FAM227B: variants seen among roughly 807,000 people sequenced by gnomAD.
FAM227B encodes protein FAM227B.
A neutral mutation model predicts 73.8 loss-of-function variants in FAM227B; 88 were observed. The observed-to-expected ratio is 1.19, with a 90% CI of 1.00 to 1.42. The LOEUF is 1.42. Ranked by LOEUF, FAM227B falls within the 40% of genes most tolerant of loss-of-function variation. The pLI is 0.00. For missense variants in FAM227B, 632 were observed against 590.9 expected (o/e 1.07, Z -0.72); for synonymous variants, 210 against 190.5 (o/e 1.10, Z -0.84).
chr15:49,424,151 A>T, intron 11 of FAM227B: 1 of 650,398 alleles, frequency 1.5e-6, no homozygotes, highest in Non-Finnish European at 2.6e-6. Context: ...TAAAAGGATA[A>T]GGCTAACAAT....
chr15:49,576,696 A>ATCC, intron 7 of FAM227B, 45 bp downstream of exon 7: 1 of 1,095,296 alleles, frequency 9.1e-7, no homozygotes. Flanking sequence ...TCATTAAATC[A>ATCC]TACTGTCAAA....
chr15:49,585,265 A>C (rs1045917291), intron 5 of FAM227B, among the ~76,000 whole-genome samples: 2 of 152,222 alleles, frequency 1.3e-5, no homozygotes, highest in African/African-American at 4.8e-5. Flanking sequence ...TAGTTCAACC[A>C]TTGTGGAAGT....
intron 11 of FAM227B, chr15:49,485,226 T>C (rs1167303233): frequency 2.6e-5 from 4 of 152,216 alleles, no homozygotes; most frequent in Non-Finnish European, 5.9e-5. Context: ...TGATTGATGA[T>C]AATACTGTAC....
At chr15:49,434,243 T>A (rs2050880484) in intron 11 of FAM227B, among the ~76,000 whole-genome samples, 1 of 151,704 alleles carries the variant, frequency 6.6e-6, no homozygotes, top group South Asian at 2.1e-4. Flanking sequence ...CCGCCTTTGT[T>A]TGCATGAATA....
chr15:49,397,121 A>C (rs938203324), intron 11 of FAM227B, among the ~76,000 whole-genome samples: 5 of 152,204 alleles, frequency 3.3e-5, no homozygotes, highest in African/African-American at 9.7e-5. Flanking sequence ...AGAATGTATA[A>C]TTAGAATAAC....
chr15:49,502,996 G>A (rs1018161107), intron 11 of FAM227B, among the ~76,000 whole-genome samples: 1 of 152,190 alleles, frequency 6.6e-6, no homozygotes, highest in Non-Finnish European at 1.5e-5. Context: ...AACAAAGCTG[G>A]AGGCATCACG....
intron 13 of FAM227B, among the ~76,000 whole-genome samples, chr15:49,354,691 T>C (rs1042376593): frequency 6.6e-6 from 1 of 152,160 alleles, no homozygotes; most frequent in African/African-American, 2.4e-5. Flanking sequence ...CCAGGCTTGA[T>C]TAGGTAAACA....
intron 5 of FAM227B, among the ~76,000 whole-genome samples, chr15:49,584,825 A>G (rs1310854762): frequency 6.6e-6 from 1 of 152,144 alleles, no homozygotes; most frequent in African/African-American, 2.4e-5. Context: ...CTCTACAAGA[A>G]CTACAAAACA....
chr15:49,355,562 C>G (rs1381933108), intron 13 of FAM227B, among the ~76,000 whole-genome samples: 1 of 152,182 alleles, frequency 6.6e-6, no homozygotes. Flanking sequence ...AAGAAATGAG[C>G]AAAGCCTCCA....
chr15:49,573,527 G>A (rs946045577), intron 8 of FAM227B, among the ~76,000 whole-genome samples: 1 of 152,178 alleles, frequency 6.6e-6, no homozygotes, highest in African/African-American at 2.4e-5. Context: ...TTACCCTCAT[G>A]AACAGATTAT....
intron 13 of FAM227B, among the ~76,000 whole-genome samples, chr15:49,360,477 C>T (rs149009795): frequency 6.8e-4 from 104 of 152,160 alleles, no homozygotes; most frequent in African/African-American, 2.5e-3. Flanking sequence ...AAATAATTTG[C>T]ATTTTGCATG....
chr15:49,468,859 A>G (rs915699879), intron 11 of FAM227B, among the ~76,000 whole-genome samples: 1 of 152,198 alleles, frequency 6.6e-6, no homozygotes, highest in Non-Finnish European at 1.5e-5. Flanking sequence ...ACTCTGCTTA[A>G]CTGATGGAAC....
At chr15:49,590,442 T>C (rs1189038096) in intron 3 of FAM227B, among the ~76,000 whole-genome samples, 1 of 152,200 alleles carries the variant, frequency 6.6e-6, no homozygotes, top group Non-Finnish European at 1.5e-5. Context: ...TTCATGTCTC[T>C]TTGGTCCCTT....
At chr15:49,577,049 C>A in intron 6 of FAM227B, 1 of 449,780 alleles carries the variant, frequency 2.2e-6, no homozygotes, top group South Asian at 3.2e-5. Flanking sequence ...GTAATCCCAC[C>A]ACACTGGGAG....
At chr15:49,583,132 T>G (rs1451986764) in intron 5 of FAM227B, among the ~76,000 whole-genome samples, 1 of 147,870 alleles carries the variant, frequency 6.8e-6, no homozygotes, top group Non-Finnish European at 1.5e-5. Flanking sequence ...AAATCAGAGC[T>G]GAACTGAAGG....
chr15:49,500,439 C>A (rs2152087873), intron 11 of FAM227B, among the ~76,000 whole-genome samples: 1 of 152,266 alleles, frequency 6.6e-6, no homozygotes. Flanking sequence ...AGATGTGGGA[C>A]ATAAAGTCAA....
intron 11 of FAM227B, chr15:49,488,612 T>C (rs1029360769): frequency 2.0e-5 from 3 of 152,014 alleles, no homozygotes; most frequent in Non-Finnish European, 4.4e-5. Context: ...ATTGAATTTA[T>C]GAGAGCCTAT....
At chr15:49,460,491 G>C (rs2053691620) in intron 11 of FAM227B, among the ~76,000 whole-genome samples, 1 of 152,138 alleles carries the variant, frequency 6.6e-6, no homozygotes, top group African/African-American at 2.4e-5. Flanking sequence ...TGTGGTACCA[G>C]GATTCTTTTT....
chr15:49,502,556 C>T (rs2058228568), intron 11 of FAM227B, among the ~76,000 whole-genome samples: 1 of 152,234 alleles, frequency 6.6e-6, no homozygotes, highest in African/African-American at 2.4e-5. Flanking sequence ...AATGCCTATA[C>T]TCCCATCGTA....
Sources: gnomAD v4.1 joint callset for allele counts (sites outside exome capture counted in the v4.1 genomes callset) on GRCh38, gnomAD v4.1.1 for gene constraint, MANE v1.5 for transcripts, NCBI Gene and HGNC (gene_info 2026-07-23, HGNC 2026-07-21) for gene names.